Variants in CAPRIN1 observed in about 807,000 individuals in gnomAD.
The protein encoded by CAPRIN1 is cell cycle associated protein 1.
CAPRIN1 carries 29 observed loss-of-function variants against 100.9 expected under a neutral mutation model. The ratio of observed to expected loss-of-function variants is 0.29; its 90% confidence interval spans 0.21 to 0.39. The LOEUF (loss-of-function observed/expected upper bound fraction) is 0.39, where lower values mean the gene tolerates loss of function less well. Among genes scored for constraint, CAPRIN1 ranks in the 10% least tolerant of loss-of-function variants. The pLI is 1.00. For missense variants in CAPRIN1, 795 were observed against 876.7 expected (o/e 0.91, Z 1.18); for synonymous variants, 338 against 307.5 (o/e 1.10, Z -1.04).
rs1590749665 is a variant in CAPRIN1, at chr11:34,097,234, C to T, written c.1939C>T (p.Pro647Ser). 2 of 1,613,834 alleles carry T rather than the reference C, an allele frequency of 1.2e-6. No homozygotes were observed. The highest frequency in any genetic ancestry group is 1.7e-5 in the Admixed American group (1 of 59,996). ...TTACCGCCCTTCATTCTCTAACACT[C>T]CAAACAGTGGTTATACACAGTCTCA... ...DGYRPSFSNTPNSGYTQSQFS... is the reference protein window; with the variant it reads ...DGYRPSFSNTSNSGYTQSQFS... Residue 647 changes from proline to serine, a missense_variant, in exon 17 of 19, where the codon CCA becomes TCA. Coordinates refer to ENST00000341394, the MANE Select transcript of CAPRIN1 (RefSeq NM_005898.5).
intron 2 of CAPRIN1, among the ~76,000 whole-genome samples, chr11:34,064,554 A>G (rs1432663268): frequency 1.3e-5 from 2 of 152,260 alleles, no homozygotes; most frequent in Non-Finnish European, 2.9e-5. Flanking sequence ...TGCAAGCTAT[A>G]GTAATCTTTA....
intron 2 of CAPRIN1, among the ~76,000 whole-genome samples, chr11:34,067,030 A>G (rs549838856): frequency 6.6e-6 from 1 of 150,864 alleles, no homozygotes; most frequent in Admixed American, 6.6e-5. Flanking sequence ...CCTGGGTTCA[A>G]GTGATTCTCG....
intron 5 of CAPRIN1, 34 bp from the exon 6 acceptor site, chr11:34,076,526 G>A: frequency 6.2e-7 from 1 of 1,603,276 alleles, no homozygotes; most frequent in Non-Finnish European, 8.5e-7. Flanking sequence ...GTTGACAACT[G>A]AAAGGTTATT....
intron 2 of CAPRIN1, among the ~76,000 whole-genome samples, chr11:34,053,891 C>T (rs1850390599): frequency 6.6e-6 from 1 of 152,148 alleles, no homozygotes; most frequent in Admixed American, 6.5e-5. Context: ...TTGAATTTTA[C>T]CTTATAAAGT....
intron 6 of CAPRIN1, 132 bp downstream of exon 6, chr11:34,076,774 C>A: frequency 3.0e-6 from 2 of 661,388 alleles, no homozygotes; most frequent in Non-Finnish European, 2.6e-6. Context: ...TACTCTGTTG[C>A]CCAGGTTGGA....
At chr11:34,079,505 A>C in intron 6 of CAPRIN1, 123 bp from the exon 7 acceptor site, 1 of 547,988 alleles carries the variant, frequency 1.8e-6, no homozygotes, top group Non-Finnish European at 3.1e-6. Context: ...TAATCTTTTT[A>C]TGTGTATATG....
intron 7 of CAPRIN1, among the ~76,000 whole-genome samples, chr11:34,081,411 C>A (rs1458858217): frequency 6.6e-6 from 1 of 151,946 alleles, no homozygotes; most frequent in African/African-American, 2.4e-5. Flanking sequence ...GTTGGTCAGG[C>A]TGGTCTCGAA....
intron 15 of CAPRIN1, among the ~76,000 whole-genome samples, chr11:34,093,120 C>T (rs765837916): frequency 6.6e-6 from 1 of 151,446 alleles, no homozygotes; most frequent in Non-Finnish European, 1.5e-5. Flanking sequence ...CTTATTGTCT[C>T]TGTCTCCCAG....
In CAPRIN1 at chr11:34,079,750, C is replaced by G. The variant is rs1276785065; in HGVS notation, c.811C>G (p.Gln271Glu). The change falls in exon 7 of 19, where the codon CAG becomes GAG. Residue 271 changes from glutamine to glutamate, a missense_variant. Gln to Glu is a conservative substitution (Grantham distance 29, BLOSUM62 2). This residue lies in a region of CAPRIN1 where 648 missense variants were observed against 697.9 expected (regional missense o/e 0.93). Coordinates refer to ENST00000341394, the MANE Select transcript of CAPRIN1 (RefSeq NM_005898.5). ...EAASAPAVEDQVPEAEPEPAE... is the reference protein window; with the variant it reads ...EAASAPAVEDEVPEAEPEPAE... ...AGCCTCAGCACCTGCAGTTGAAGACCAGGTACCTGAAGCTGGTGAGTATTA... is the reference window on the plus strand; with the variant it reads ...AGCCTCAGCACCTGCAGTTGAAGACGAGGTACCTGAAGCTGGTGAGTATTA... 12 of 1,613,860 alleles carry G rather than the reference C, an allele frequency of 7.4e-6. No homozygotes were observed. In the South Asian group the frequency reaches 1.3e-4, roughly 18 times the overall value.
intron 4 of CAPRIN1, among the ~76,000 whole-genome samples, chr11:34,075,698 T>TA (rs1850891465): frequency 6.6e-6 from 1 of 152,216 alleles, no homozygotes; most frequent in South Asian, 2.1e-4. Context: ...ATAGAGGAGC[T>TA]AGATTGAGGT....
At chr11:34,074,870 C>CA (rs1351661953) in intron 4 of CAPRIN1, among the ~76,000 whole-genome samples, 2 of 148,040 alleles carry the variant, frequency 1.4e-5, no homozygotes, top group Non-Finnish European at 3.0e-5. Context: ...GACTCCATCT[C>CA]AAAAAACAAA....
intron 2 of CAPRIN1, among the ~76,000 whole-genome samples, chr11:34,068,358 T>C (rs573262573): frequency 3.3e-5 from 5 of 152,330 alleles, no homozygotes; most frequent in African/African-American, 9.6e-5. Flanking sequence ...TGGTTGAAGC[T>C]CACTCAAGTA....
intron 2 of CAPRIN1, 80 bp downstream of exon 2, chr11:34,052,716 C>G (rs1850351705): frequency 8.2e-6 from 12 of 1,467,394 alleles, no homozygotes; most frequent in Admixed American, 2.2e-5. Context: ...CTGGAGCCTT[C>G]GCTTCTTTTC....
At chr11:34,084,680 A>AG (rs2134122357) in intron 9 of CAPRIN1, among the ~76,000 whole-genome samples, 1 of 152,260 alleles carries the variant, frequency 6.6e-6, no homozygotes, top group African/African-American at 2.4e-5. Flanking sequence ...TGTATATATG[A>AG]GGTGTACAAA....
rs1851369412 is a variant in CAPRIN1, at chr11:34,096,499, T to C, written c.1726T>C (p.Ser576Pro). The change falls in exon 16 of 19, where the codon TCC (serine) becomes CCC (proline). Residue 576 changes from serine to proline, a missense_variant. Ser to Pro is a moderately conservative substitution (Grantham distance 74). Coordinates refer to ENST00000341394, the MANE Select transcript of CAPRIN1 (RefSeq NM_005898.5). ...TATAGTGGTTGGCACTTACCATGGT[T>C]CCCCAGACCAGTCCCATCAAGTGAC... The part of the protein sequence containing the change: ...LQTVVGTYHG[S>P]PDQSHQVTGN... 6.2e-7 allele frequency: 1 copy of C among 1,613,674 alleles called. No homozygotes were observed.
chr11:34,052,924 G>A lies in CAPRIN1; in HGVS notation c.216+288G>A, dbSNP rs894533657. 6.7e-5 allele frequency: 85 copies of A among 1,271,930 alleles called. No homozygotes were observed. The Middle Eastern group carries it at 4.0e-3, about 60-fold the overall frequency. 78.8% of individuals were successfully genotyped at this position (1,271,930 alleles called of 1,614,324 possible). A position where few individuals can be genotyped will look rare whatever the true frequency, so the allele number is the denominator to read the frequency against. On this transcript the variant is annotated intron_variant, in intron 2 of 18. Transcript: ENST00000341394. ...CCGGCTTTTTGGCCTTTAGGAGTGG[G>A]ACATGTGAGGGTGGGGGCCTGTCGT...
intron 15 of CAPRIN1, 173 bp from the exon 16 acceptor site, chr11:34,096,306 A>T (rs1404630343): frequency 1.9e-6 from 1 of 526,076 alleles, no homozygotes; most frequent in African/African-American, 2.0e-5. Context: ...GTCTAAGGGT[A>T]GGAGAAAGGT....
intron 11 of CAPRIN1, among the ~76,000 whole-genome samples, chr11:34,087,628 C>T (rs552360343): frequency 2.4e-5 from 3 of 122,692 alleles, no homozygotes; most frequent in Admixed American, 7.6e-5. Flanking sequence ...CCACCGCGCC[C>T]GGCTCTCACA....
chr11:34,081,948 A>G (rs1851040685), intron 7 of CAPRIN1, among the ~76,000 whole-genome samples: 1 of 151,630 alleles, frequency 6.6e-6, no homozygotes, highest in Non-Finnish European at 1.5e-5. Context: ...AGTAGCTGGT[A>G]TTACAGGCAC....
Sources: gnomAD v4.1 joint callset for allele counts (sites outside exome capture counted in the v4.1 genomes callset) on GRCh38, gnomAD v4.1.1 for gene constraint, gnomAD v4.1.1 regional missense constraint, MANE v1.5 for transcripts, NCBI Gene and HGNC (gene_info 2026-07-23, HGNC 2026-07-21) for gene names.